Variants in MED27 observed in about 807,000 individuals in gnomAD.
MED27 encodes mediator complex subunit 27.
Under a neutral mutation model 38.2 loss-of-function variants are expected in MED27, and 30 were observed. The observed-to-expected ratio is 0.79, with a 90% confidence interval of 0.59 to 1.07. The LOEUF is 1.07. MED27 is among the 50% of genes least tolerant of loss of function. The pLI, the probability that MED27 is intolerant of heterozygous loss-of-function variation, is 0.00. For synonymous variants in MED27, 122 were observed against 153.5 expected, an observed-to-expected ratio of 0.79 and a Z score of 1.52; for missense variants, 289 against 397.5, an observed-to-expected ratio of 0.73 and a Z score of 2.32.
At chr9:131,926,948 A>G (rs566431624) in intron 4 of MED27, among the ~76,000 whole-genome samples, 1 of 152,294 alleles carries the variant, frequency 6.6e-6, no homozygotes, top group South Asian at 2.1e-4. Context: ...TTTCTACCTA[A>G]TAGATCAGTC....
intron 2 of MED27, among the ~76,000 whole-genome samples, chr9:132,020,371 A>C (rs1046033994): frequency 2.0e-5 from 3 of 152,220 alleles, no homozygotes; most frequent in Admixed American, 6.5e-5. Flanking sequence ...GCCCACAGCC[A>C]CAACCTAAGG....
intron 4 of MED27, among the ~76,000 whole-genome samples, chr9:131,900,225 G>A (rs1032631677): frequency 5.9e-5 from 9 of 152,134 alleles, no homozygotes; most frequent in African/African-American, 1.9e-4. Flanking sequence ...CCCCTGCCTA[G>A]CCCCCCCATC....
intron 3 of MED27, among the ~76,000 whole-genome samples, chr9:131,977,910 C>T (rs1378930796): frequency 4.6e-5 from 7 of 152,128 alleles, no homozygotes; most frequent in Non-Finnish European, 8.8e-5. Flanking sequence ...TCTTTGTAGA[C>T]GTGTTCCAGC....
intron 2 of MED27, among the ~76,000 whole-genome samples, chr9:132,031,312 CAT>C (rs1564332221): frequency 6.6e-6 from 1 of 152,228 alleles, no homozygotes; most frequent in African/African-American, 2.4e-5. Flanking sequence ...CAGTATCCTA[CAT>C]GTCTCCACTA....
intron 3 of MED27, among the ~76,000 whole-genome samples, chr9:131,967,081 T>C (rs1831365656): frequency 6.6e-6 from 1 of 152,254 alleles, no homozygotes; most frequent in African/African-American, 2.4e-5. Flanking sequence ...GCATATGATA[T>C]GTGCTTGATA....
chr9:131,973,875 T>C (rs1292872794), intron 3 of MED27, among the ~76,000 whole-genome samples: 1 of 148,698 alleles, frequency 6.7e-6, no homozygotes, highest in Non-Finnish European at 1.5e-5. Context: ...GCGCGGCTGA[T>C]TTTTTCTATT....
intron 3 of MED27, among the ~76,000 whole-genome samples, chr9:131,949,668 A>G (rs1343505431): frequency 1.3e-5 from 2 of 152,198 alleles, no homozygotes; most frequent in Admixed American, 6.5e-5. Flanking sequence ...TAGTAACAAA[A>G]TGAAATCAAT....
intron 3 of MED27, among the ~76,000 whole-genome samples, chr9:131,968,463 C>G (rs190759684): frequency 0.019 from 2,084 of 107,014 alleles, 29 homozygotes; most frequent in South Asian, 0.061. Flanking sequence ...AAGAGAGAGA[C>G]CCTGTCTCAA....
At chr9:131,988,208 A>C (rs1831894252) in intron 3 of MED27, among the ~76,000 whole-genome samples, 1 of 152,232 alleles carries the variant, frequency 6.6e-6, no homozygotes, top group Non-Finnish European at 1.5e-5. Flanking sequence ...ATATTGAGAA[A>C]TAGTTTTTGT....
chr9:131,948,978 G>A (rs1288965668), intron 3 of MED27, among the ~76,000 whole-genome samples: 1 of 152,180 alleles, frequency 6.6e-6, no homozygotes, highest in Non-Finnish European at 1.5e-5. Flanking sequence ...CCCAGCACAC[G>A]CTGAAACGTA....
At chr9:131,893,194 C>A (rs1839257145) in intron 5 of MED27, among the ~76,000 whole-genome samples, 1 of 152,172 alleles carries the variant, frequency 6.6e-6, no homozygotes, top group African/African-American at 2.4e-5. Flanking sequence ...GGAGACCAGG[C>A]TCCGTGCTGA....
chr9:131,991,538 T>G (rs970943213), intron 3 of MED27, among the ~76,000 whole-genome samples: 1 of 152,188 alleles, frequency 6.6e-6, no homozygotes, highest in Non-Finnish European at 1.5e-5. Context: ...GCTGTGATAT[T>G]TTTAATCTAA....
intron 5 of MED27, among the ~76,000 whole-genome samples, chr9:131,890,347 G>A (rs1382299379): frequency 6.6e-6 from 1 of 152,168 alleles, no homozygotes; most frequent in Non-Finnish European, 1.5e-5. Flanking sequence ...AACGCATACA[G>A]TTGTAAAGGG....
intron 2 of MED27, among the ~76,000 whole-genome samples, chr9:132,015,244 G>A (rs921623490): frequency 1.3e-5 from 2 of 152,140 alleles, no homozygotes; most frequent in Non-Finnish European, 2.9e-5. Flanking sequence ...GAAAAGAATC[G>A]AATGGAGAAG....
rs549060437 is a variant in MED27, at chr9:131,895,067, A to G, written c.574-1075T>C. Among the ~76,000 whole-genome samples, 10 of 152,290 alleles carry G rather than the reference A, an allele frequency of 6.6e-5. No homozygotes were observed. In the South Asian group the frequency reaches 1.7e-3, roughly 25 times the overall value. On this transcript the variant is annotated intron_variant, in intron 4 of 7. Coordinates refer to ENST00000292035, the MANE Select transcript of MED27 (RefSeq NM_004269.4). ...AAGCCCTCGCCAGACGGTGAAGCAGATACGGGCATCATGCTTCTTATACTT... is the reference window on the plus strand; with the variant it reads ...AAGCCCTCGCCAGACGGTGAAGCAGGTACGGGCATCATGCTTCTTATACTT...
At chr9:131,908,467 G>A (rs1461729166) in intron 4 of MED27, among the ~76,000 whole-genome samples, 5 of 152,342 alleles carry the variant, frequency 3.3e-5, no homozygotes, top group East Asian at 3.9e-4. Flanking sequence ...TTGAGAAATC[G>A]GATGGGTGCC....
At chr9:132,042,073 G>A (rs1833227091) in intron 2 of MED27, among the ~76,000 whole-genome samples, 1 of 152,194 alleles carries the variant, frequency 6.6e-6, no homozygotes, top group South Asian at 2.1e-4. Flanking sequence ...GAGACAGGCA[G>A]GTGGCGGGGT....
rs576153226 is a variant in MED27, at chr9:132,054,212, G to A, written c.348+23230C>T. Among the ~76,000 whole-genome samples, 43 of 152,192 alleles carry A rather than the reference G, an allele frequency of 2.8e-4. No homozygotes were observed. In the South Asian group the frequency reaches 8.5e-3, roughly 30 times the overall value. Reference sequence around the variant, plus strand: ...AGCGGGGCGGATCCCTCATGGCTTGGTGCTGTCCTGGCCATATTGACGTCT... The same window carrying A: ...AGCGGGGCGGATCCCTCATGGCTTGATGCTGTCCTGGCCATATTGACGTCT... On this transcript the variant is annotated intron_variant, in intron 2 of 7. Coordinates refer to ENST00000292035, the MANE Select transcript of MED27 (RefSeq NM_004269.4).
rs1335410882 is a variant in MED27, at chr9:132,028,855, TCA to T, written c.349-14390_349-14389del. 3.3e-5 allele frequency among the ~76,000 whole-genome samples: 5 copies of T among 152,208 alleles called. No homozygotes were observed. The East Asian group carries it at 5.8e-4, about 18-fold the overall frequency. On this transcript the variant is annotated intron_variant, in intron 2 of 7. Transcript: ENST00000292035. ...AACTTCTACTGAGGAACCCAGGAAT[TCA>T]CACTGTAACAAGCACCCCCAGGCAG...
Sources: gnomAD v4.1 joint callset for allele counts (sites outside exome capture counted in the v4.1 genomes callset) on GRCh38, gnomAD v4.1.1 for gene constraint, MANE v1.5 for transcripts, NCBI Gene and HGNC (gene_info 2026-07-23, HGNC 2026-07-21) for gene names.